Variants in ACSF2 observed in about 807,000 individuals in gnomAD.
The protein encoded by ACSF2 is acyl-CoA synthetase family member 2.
ACSF2 carries 52 observed loss-of-function variants against 79.3 expected under a neutral mutation model. The observed-to-expected ratio is 0.66, with a 90% CI of 0.53 to 0.83. ACSF2 has a LOEUF of 0.83. Ranked by LOEUF, ACSF2 falls within the 40% of genes least tolerant of loss-of-function variation. ACSF2 has a pLI of 0.00. For synonymous variants in ACSF2, 283 were observed against 312.6 expected (o/e 0.91, Z 1.00); for missense variants, 661 against 803.3 (o/e 0.82, Z 2.14).
chr17:50,462,269 A>C lies in ACSF2; in HGVS notation c.593A>C (p.Glu198Ala), dbSNP rs759419044. ...CTGAAGCAGATCTGTCCAGAAGTGG[A>C]GAATGCCCAGCCAGGGGCCTTGAAG... ...NVLKQICPEV[E>A]NAQPGALKSQ... The change falls in exon 5 of 16, where the codon GAG becomes GCG. Residue 198 changes from glutamate (E) to alanine (A), a missense_variant. Physicochemically the swap from Glu to Ala is moderately radical, Grantham distance 107 (BLOSUM62 -1). Transcript: ENST00000300441. 9 of 1,614,048 alleles carry C rather than the reference A, an allele frequency of 5.6e-6. No individual in the cohort carries two copies. The South Asian group carries it at 9.9e-5, about 18-fold the overall frequency.
intron 1 of ACSF2, among the ~76,000 whole-genome samples, chr17:50,452,694 A>G (rs2031753800): frequency 6.6e-6 from 1 of 152,124 alleles, no homozygotes; most frequent in Non-Finnish European, 1.5e-5. Context: ...AAAAAAAAGA[A>G]AGAAAGAAAG....
At chr17:50,451,128 G>T (rs2031649171) in intron 1 of ACSF2, among the ~76,000 whole-genome samples, 1 of 152,016 alleles carries the variant, frequency 6.6e-6, no homozygotes, top group African/African-American at 2.4e-5. Flanking sequence ...TTGTAGAGAT[G>T]GAATCTCACT....
chr17:50,472,559 G>A lies in ACSF2; in HGVS notation c.1455G>A (p.Gln485=), dbSNP rs138239840. 1 of 1,609,892 alleles carries A rather than the reference G, an allele frequency of 6.2e-7. No individual in the cohort carries two copies. The highest frequency in any genetic ancestry group is 8.5e-7 in the Non-Finnish European group (1 of 1,178,134). Residue 485 remains glutamine (Q), a synonymous_variant, in exon 12 of 16, where the codon CAG becomes CAA. Transcript: ENST00000300441. ...AGAAGACAGAGGAAGCAGTGGATCA[G>A]GACAAGTGGTATTGGACAGGGTGAG... is the stretch of plus-strand genomic sequence containing the variant. ...EPQKTEEAVD[Q]DKWYWTGDVA...
chr17:50,448,983 A>G (rs969825916), intron 1 of ACSF2, among the ~76,000 whole-genome samples: 2 of 150,666 alleles, frequency 1.3e-5, no homozygotes, highest in South Asian at 2.1e-4. Flanking sequence ...ATTATTTCAA[A>G]GTTGTATGAC....
Position 50,461,340 on chromosome 17 carries a change from G to A in ACSF2, c.423G>A (p.Gln141=). Residue 141 remains glutamine, a synonymous_variant, in exon 3 of 16, where the codon CAG becomes CAA. Transcript: ENST00000300441. The part of the protein sequence containing the change: ...GPNSYAWVLM[Q]LATAQAGIIL... ...ACTCCTATGCATGGGTGCTCATGCA[G>A]TTGGCCACCGCCCAGGCGGGCATCA... The A allele has an allele frequency of 6.2e-7, 1 of 1,614,142 alleles. No homozygotes were observed. The highest frequency in any genetic ancestry group is 8.5e-7 in the Non-Finnish European group (1 of 1,180,018).
At chr17:50,449,384 A>G (rs1339040222) in intron 1 of ACSF2, among the ~76,000 whole-genome samples, 3 of 149,082 alleles carry the variant, frequency 2.0e-5, no homozygotes, top group Non-Finnish European at 3.0e-5. Context: ...CCATGTTGTA[A>G]TATGTATCAG....
intron 1 of ACSF2, among the ~76,000 whole-genome samples, chr17:50,436,827 A>C (rs546028181): frequency 5.4e-4 from 82 of 151,514 alleles, no homozygotes; most frequent in African/African-American, 1.8e-3. Context: ...ATGACCATTT[A>C]GTAGTGATCT....
chr17:50,457,899 C>T (rs1024635615), intron 1 of ACSF2, among the ~76,000 whole-genome samples: 3 of 152,152 alleles, frequency 2.0e-5, no homozygotes, highest in African/African-American at 7.2e-5. Flanking sequence ...ATAGAATCCT[C>T]ACCCAGTCCC....
chr17:50,443,204 G>T (rs968731560), intron 1 of ACSF2, among the ~76,000 whole-genome samples: 3 of 152,060 alleles, frequency 2.0e-5, no homozygotes, highest in African/African-American at 7.2e-5. Context: ...CACCGCGCCC[G>T]GCCAGGTTTT....
At chr17:50,470,408 G>A (rs2033056975) in intron 10 of ACSF2, among the ~76,000 whole-genome samples, 1 of 152,036 alleles carries the variant, frequency 6.6e-6, no homozygotes, top group African/African-American at 2.4e-5. Flanking sequence ...GTGGGGTGGG[G>A]GTACCACTGG....
intron 1 of ACSF2, among the ~76,000 whole-genome samples, chr17:50,449,650 A>G (rs1455346801): frequency 2.7e-5 from 4 of 147,250 alleles, no homozygotes; most frequent in Non-Finnish European, 3.0e-5. Context: ...TCCTGACCTC[A>G]TGATCCACCC....
intron 1 of ACSF2, among the ~76,000 whole-genome samples, chr17:50,438,441 A>G (rs1216719372): frequency 1.3e-5 from 2 of 152,106 alleles, no homozygotes; most frequent in African/African-American, 4.8e-5. Context: ...AGCAGCAACC[A>G]AGTTTTGCTG....
intron 10 of ACSF2, chr17:50,464,768 T>TTG: frequency 7.9e-6 from 1 of 126,764 alleles, no homozygotes; most frequent in Non-Finnish European, 1.5e-5. Flanking sequence ...TCTGATTGAC[T>TTG]TGGGGGGGGG....
chr17:50,434,099 A>C (rs971685367), intron 1 of ACSF2, among the ~76,000 whole-genome samples: 1 of 151,628 alleles, frequency 6.6e-6, no homozygotes, highest in African/African-American at 2.4e-5. Context: ...GGATCGCTTG[A>C]GCCCAGAAGT....
chr17:50,461,428 G>A (rs2032319719), intron 3 of ACSF2, 58 bp downstream of exon 3: 1 of 1,609,664 alleles, frequency 6.2e-7, no homozygotes, highest in Non-Finnish European at 8.5e-7. Context: ...CACTGAAGGG[G>A]AGCCCCTCAG....
In ACSF2 at chr17:50,463,635, G is replaced by T. The variant is rs1453874341; in HGVS notation, c.1046+83G>T. The stretch of plus-strand genomic sequence containing the variant: ...CTGGGCCCTGACACCTTTCCAAGCT[G>T]CCTCCTCCCTCCAGCCAGGAGACTG... On this transcript the variant is annotated intron_variant, in intron 8 of 15. Coordinates refer to ENST00000300441, the MANE Select transcript of ACSF2 (RefSeq NM_025149.6). This position sits in a 1 kb window ranked among gnomAD's most constrained non-coding sequence, Gnocchi z 4.6. 1.3e-6 allele frequency: 2 copies of T among 1,565,844 alleles called. No homozygotes were observed. Among genetic ancestry groups the T allele is most frequent in the Non-Finnish European group, 1.7e-6 (2 of 1,152,116 alleles).
chr17:50,431,513 TCCGTGA>T lies in ACSF2; in HGVS notation c.128+5125_128+5130del, dbSNP rs561965931. On this transcript the variant is annotated intron_variant, in intron 1 of 15. Coordinates refer to ENST00000300441, the MANE Select transcript of ACSF2 (RefSeq NM_025149.6). Reference sequence around the variant, plus strand: ...GTCTGCAGTTTGAAGCCTTTGTACTTCCGTGAAATCTCACTTGTGCTTCAATCGTTG... The same window carrying T: ...GTCTGCAGTTTGAAGCCTTTGTACTTAATCTCACTTGTGCTTCAATCGTTG... Among the ~76,000 whole-genome samples, 12 of 152,336 alleles carry T rather than the reference TCCGTGA, an allele frequency of 7.9e-5. No homozygotes were observed. The East Asian group carries it at 2.3e-3, about 29-fold the overall frequency.
chr17:50,473,691 G>T lies in ACSF2; in HGVS notation c.1502G>T (p.Gly501Val). Residue 501 changes from glycine (G) to valine (V), a missense_variant, in exon 13 of 16, where the codon GGC becomes GTC. By Grantham distance (109) the Gly-to-Val change is moderately radical (BLOSUM62 -3). Transcript: ENST00000300441. ...GATGTCGCCACAATGAATGAGCAGG[G>T]CTTCTGCAAGATCGTGGGCCGCTCT... is the stretch of plus-strand genomic sequence containing the variant. Reference protein sequence around the residue: ...TGDVATMNEQGFCKIVGRSKD... With the variant: ...TGDVATMNEQVFCKIVGRSKD... The T allele has an allele frequency of 6.2e-7, 1 of 1,614,188 alleles. No individual in the cohort carries two copies. The highest frequency in any genetic ancestry group is 8.5e-7 in the Non-Finnish European group (1 of 1,180,038).
At chr17:50,467,322 G>C (rs1265800812) in intron 10 of ACSF2, among the ~76,000 whole-genome samples, 1 of 152,184 alleles carries the variant, frequency 6.6e-6, no homozygotes, top group African/African-American at 2.4e-5. Flanking sequence ...TGGGGTCTTG[G>C]GCCAAGGATT....
Sources: gnomAD v4.1 joint callset for allele counts (sites outside exome capture counted in the v4.1 genomes callset) on GRCh38, gnomAD v4.1.1 for gene constraint, Gnocchi (gnomAD v3.1) non-coding constraint, MANE v1.5 for transcripts, NCBI Gene and HGNC (gene_info 2026-07-23, HGNC 2026-07-21) for gene names.